Variants in UBE2R2 observed in about 807,000 individuals in gnomAD.
UBE2R2 encodes the protein ubiquitin-conjugating enzyme E2 R2.
UBE2R2 carries 1 observed loss-of-function variant against 27.8 expected under a neutral mutation model. The observed-to-expected ratio is 0.04, with a 90% CI of 0.01 to 0.17. UBE2R2 has a LOEUF of 0.17. Ranked by LOEUF, UBE2R2 falls within the 10% of genes least tolerant of loss-of-function variation. The pLI, the probability that UBE2R2 is intolerant of heterozygous loss-of-function variation, is 1.00. For synonymous variants in UBE2R2, 106 were observed against 113.3 expected (o/e 0.94, Z 0.41); for missense variants, 100 against 291.0 (o/e 0.34, Z 4.78).
At chr9:33,815,979 T>A (rs1486273109), upstream of UBE2R2, among the ~76,000 whole-genome samples, 1 of 151,774 alleles carries the variant, frequency 6.6e-6, no homozygotes, top group Non-Finnish European at 1.5e-5. Context: ...GAGGCTGAGG[T>A]GGGAGAATCG....
chr9:33,819,446 C>A (rs576279400), intron 1 of UBE2R2, among the ~76,000 whole-genome samples: 1 of 152,162 alleles, frequency 6.6e-6, no homozygotes, highest in Non-Finnish European at 1.5e-5. Flanking sequence ...TGTTAGGCTT[C>A]ATCTTTTGTG....
chr9:33,824,308 A>G (rs1365497832), intron 1 of UBE2R2, among the ~76,000 whole-genome samples: 6 of 151,552 alleles, frequency 4.0e-5, no homozygotes, highest in Admixed American at 3.3e-4. Context: ...CCTGGCCAAC[A>G]TGGTGAAACC....
chr9:33,853,286 C>CT (rs1563988719), intron 1 of UBE2R2, among the ~76,000 whole-genome samples: 1 of 122,766 alleles, frequency 8.1e-6, no homozygotes, highest in African/African-American at 3.3e-5. Context: ...CCTTTTCTCT[C>CT]TCTTTTTTTT....
At chr9:33,883,891 G>A (rs1025861993) in intron 1 of UBE2R2, among the ~76,000 whole-genome samples, 2 of 151,604 alleles carry the variant, frequency 1.3e-5, no homozygotes, top group African/African-American at 4.9e-5. Context: ...GCCAGCTGTG[G>A]TGGCTCACAT....
At chr9:33,873,834 G>C (rs1346305212) in intron 1 of UBE2R2, among the ~76,000 whole-genome samples, 1 of 152,068 alleles carries the variant, frequency 6.6e-6, no homozygotes, top group African/African-American at 2.4e-5. Flanking sequence ...GTGGAGACGG[G>C]GTTTCACCAT....
chr9:33,850,172 A>G (rs1820933067), intron 1 of UBE2R2, among the ~76,000 whole-genome samples: 1 of 152,078 alleles, frequency 6.6e-6, no homozygotes, highest in Non-Finnish European at 1.5e-5. Flanking sequence ...GCAGAAACTA[A>G]ATATGCTATC....
intron 1 of UBE2R2, among the ~76,000 whole-genome samples, chr9:33,872,903 T>C (rs970308407): frequency 7.9e-5 from 12 of 151,712 alleles, no homozygotes; most frequent in Non-Finnish European, 1.5e-5. Flanking sequence ...GGCCGGGCTC[T>C]GTGGCTCTCA....
intron 1 of UBE2R2, among the ~76,000 whole-genome samples, chr9:33,821,657 C>T (rs1825983883): frequency 1.3e-5 from 2 of 151,490 alleles, no homozygotes; most frequent in South Asian, 4.2e-4. Context: ...CACTCTTTTG[C>T]CAGGCTGGAG....
chr9:33,890,490 C>T (rs6476427), intron 2 of UBE2R2, among the ~76,000 whole-genome samples: 9,202 of 151,916 alleles, frequency 0.061, 634 homozygotes, highest in African/African-American at 0.17. Flanking sequence ...TCGGCTTGAA[C>T]CCGGGAGGCA....
intron 1 of UBE2R2, among the ~76,000 whole-genome samples, chr9:33,836,596 A>C (rs1447080115): frequency 1.3e-5 from 2 of 152,074 alleles, no homozygotes; most frequent in Non-Finnish European, 2.9e-5. Flanking sequence ...TCTCTACTAA[A>C]AATACAAAAA....
At chr9:33,833,314 C>T (rs1302341749) in intron 1 of UBE2R2, among the ~76,000 whole-genome samples, 3 of 152,180 alleles carry the variant, frequency 2.0e-5, no homozygotes, top group Non-Finnish European at 2.9e-5. Context: ...ATCCGCCTGC[C>T]TTGGCCTCCC....
At chr9:33,838,253 GCTT>G (rs1400724865) in intron 1 of UBE2R2, among the ~76,000 whole-genome samples, 1 of 140,780 alleles carries the variant, frequency 7.1e-6, no homozygotes, top group African/African-American at 2.6e-5. Flanking sequence ...ATTTTTTATT[GCTT>G]TTTTTACTGT....
chr9:33,828,547 G>A (rs530077097), intron 1 of UBE2R2, among the ~76,000 whole-genome samples: 25 of 150,724 alleles, frequency 1.7e-4, no homozygotes, highest in African/African-American at 6.1e-4. Context: ...TGCCACCACC[G>A]GGCTAATTTT....
At chr9:33,859,675 A>G (rs1821179391) in intron 1 of UBE2R2, among the ~76,000 whole-genome samples, 1 of 152,014 alleles carries the variant, frequency 6.6e-6, no homozygotes, top group African/African-American at 2.4e-5. Flanking sequence ...TTTTCAGAAT[A>G]ATTTTGGATT....
At chr9:33,900,343 T>A (rs1470751752) in intron 3 of UBE2R2, 72 bp downstream of exon 3, 2 of 1,108,532 alleles carry the variant, frequency 1.8e-6, no homozygotes, top group Admixed American at 4.0e-5. Flanking sequence ...AATAAAATTA[T>A]GTATTGTCTT....
At chr9:33,880,677 C>T (rs1483385584) in intron 1 of UBE2R2, among the ~76,000 whole-genome samples, 1 of 152,106 alleles carries the variant, frequency 6.6e-6, no homozygotes, top group African/African-American at 2.4e-5. Flanking sequence ...GGTGCCTACC[C>T]GATACTGATC....
intron 2 of UBE2R2, among the ~76,000 whole-genome samples, chr9:33,893,289 A>G (rs1564002191): frequency 6.6e-6 from 1 of 152,200 alleles, no homozygotes; most frequent in African/African-American, 2.4e-5. Flanking sequence ...CATATTGCAG[A>G]TATTTAGTAT....
intron 2 of UBE2R2, among the ~76,000 whole-genome samples, chr9:33,899,787 C>T (rs1041099): frequency 0.27 from 40,412 of 152,134 alleles, 5,559 homozygotes; most frequent in South Asian, 0.4. Context: ...CGTGAGACAC[C>T]GCGCCCAGCC....
At position 33,919,017 on chromosome 9, in the gene UBE2R2, G is replaced by GT. The variant is rs1381121142; in HGVS notation, c.*1783dup. On this transcript the variant is annotated 3_prime_UTR_variant, in exon 5 of 5. Transcript: ENST00000263228. ...GTTTGGTCTGGTATGAAATGGGACT[G>GT]TTTAACAAGCAAGGCTCTTAGGGGA... 3 of 151,846 alleles carry GT rather than the reference G, an allele frequency of 2.0e-5. No homozygotes were observed. The highest frequency in any genetic ancestry group is 4.4e-5 in the Non-Finnish European group (3 of 68,088). 9.4% of individuals were successfully genotyped at this position (151,846 alleles called of 1,614,324 possible).
Sources: gnomAD v4.1 joint callset for allele counts (sites outside exome capture counted in the v4.1 genomes callset) on GRCh38, gnomAD v4.1.1 for gene constraint, MANE v1.5 for transcripts, NCBI Gene and HGNC (gene_info 2026-07-23, HGNC 2026-07-21) for gene names.